ABCC9: variants seen among roughly 807,000 people sequenced by gnomAD.
ABCC9 encodes ATP binding cassette subfamily C member 9, also known as ATP-binding cassette sub-family C member 9.
Under a neutral mutation model 188.3 loss-of-function variants are expected in ABCC9, and 95 were observed. That is an observed-to-expected ratio of 0.50 (90% CI 0.43 to 0.60). The LOEUF (loss-of-function observed/expected upper bound fraction) is 0.60. ABCC9 is among the 20% of genes least tolerant of loss of function. The pLI, the probability that ABCC9 is intolerant of heterozygous loss-of-function variation, is 0.00. For synonymous variants in ABCC9, 659 were observed against 652.7 expected (o/e 1.01, Z -0.15); for missense variants, 1,102 against 1,876.3 (o/e 0.59, Z 7.62).
chr12:21,906,792 GT>G (rs1344622676), intron 11 of ABCC9, among the ~76,000 whole-genome samples: 3 of 152,084 alleles, frequency 2.0e-5, no homozygotes, highest in Non-Finnish European at 4.4e-5. Flanking sequence ...TCATAACACA[GT>G]TATTGAAACT....
chr12:21,829,444 GCCCA>G, intron 30 of ABCC9, among the ~76,000 whole-genome samples: 1 of 151,876 alleles, frequency 6.6e-6, no homozygotes, highest in East Asian at 1.9e-4. Context: ...CTTGTGATCC[GCCCA>G]CCTTGGCCTC....
chr12:21,935,270 C>A (rs1949441416), intron 3 of ABCC9, among the ~76,000 whole-genome samples: 1 of 152,126 alleles, frequency 6.6e-6, no homozygotes, highest in Non-Finnish European at 1.5e-5. Context: ...AAAGGGCGTT[C>A]TTCATGGCCT....
chr12:21,827,259 G>C, intron 31 of ABCC9: 1 of 985,240 alleles, frequency 1.0e-6, no homozygotes, highest in Non-Finnish European at 1.2e-6. Flanking sequence ...AGAGCATATG[G>C]TTTGCTTGAA....
At chr12:21,913,184 A>C (rs1487958642) in intron 7 of ABCC9, 118 bp from the exon 8 acceptor site, 3 of 887,566 alleles carry the variant, frequency 3.4e-6, no homozygotes, top group Non-Finnish European at 3.4e-6. Context: ...TAAGGGTTTA[A>C]AAATTGATGT....
intron 21 of ABCC9, 99 bp from the exon 22 acceptor site, chr12:21,859,765 G>C: frequency 1.0e-6 from 1 of 982,270 alleles, no homozygotes; most frequent in Non-Finnish European, 1.7e-6. Flanking sequence ...AAAAATCTTA[G>C]ATTGATAGTA....
chr12:21,848,362 T>G (rs1944791853), intron 24 of ABCC9, 116 bp from the exon 25 acceptor site: 3 of 856,462 alleles, frequency 3.5e-6, no homozygotes, highest in Non-Finnish European at 5.7e-6. Flanking sequence ...AAGCGCTCTG[T>G]GCTCACTCTG....
At chr12:21,844,699 C>T (rs753182988) in intron 27 of ABCC9, 68 bp downstream of exon 27, 3 of 1,599,700 alleles carry the variant, frequency 1.9e-6, no homozygotes, top group Non-Finnish European at 2.6e-6. Flanking sequence ...TTTCACATTC[C>T]ACTTAAATTG....
At chr12:21,904,316 A>G (rs933426055) in intron 12 of ABCC9, among the ~76,000 whole-genome samples, 4 of 152,224 alleles carry the variant, frequency 2.6e-5, no homozygotes, top group African/African-American at 9.6e-5. Flanking sequence ...ACCCAAAACC[A>G]TAAAAACCCT....
chr12:21,851,653 A>G (rs1487171267), intron 24 of ABCC9, among the ~76,000 whole-genome samples: 6 of 152,156 alleles, frequency 3.9e-5, no homozygotes, highest in Non-Finnish European at 7.4e-5. Flanking sequence ...AACTTTGCCC[A>G]CTACTCAGAG....
chr12:21,898,906 G>A (rs576021726), intron 12 of ABCC9, among the ~76,000 whole-genome samples: 113 of 152,244 alleles, frequency 7.4e-4, no homozygotes, highest in African/African-American at 2.4e-3. Context: ...TGTGAACGAA[G>A]TTTGGCTTCC....
chr12:21,848,196 G>T lies in ABCC9; in HGVS notation c.2820C>A (p.Ala940=), dbSNP rs370592605. The change falls in exon 25 of 40, where the codon GCC becomes GCA. Residue 940 remains alanine, a synonymous_variant. Coordinates refer to ENST00000261200, the MANE Select transcript of ABCC9 (RefSeq NM_020297.4). ...TTLERKTLRR[A]MYSREAKAQM... is the part of the protein sequence containing the mutation. ...GGGCTTTGGCTTCTCTTGAATACAT[G>T]GCCCGTCGGAGAGTTTTCCTCTCTA... is the stretch of plus-strand genomic sequence containing the variant. The T allele has an allele frequency of 6.2e-7, 1 of 1,613,460 alleles. No individual in the cohort carries two copies. The highest frequency in any genetic ancestry group is 8.5e-7 in the Non-Finnish European group (1 of 1,179,650).
chr12:21,856,523 C>T (rs1402704682), intron 22 of ABCC9, among the ~76,000 whole-genome samples: 1 of 151,892 alleles, frequency 6.6e-6, no homozygotes, highest in Non-Finnish European at 1.5e-5. Context: ...ATTTTTGATA[C>T]ATAATTAAGA....
chr12:21,894,039 T>C lies in ABCC9; in HGVS notation c.1795A>G (p.Ile599Val). ...STVVRFAVKA[I>V]ISVQKLNEFL... ...AGACACTTCAGTGCATACCTTATGA[T>C]GGCTTTGACTGCAAATCTGACCACC... Residue 599 changes from isoleucine (I) to valine (V), a missense_variant, in exon 14 of 40, where the codon ATC becomes GTC. Ile to Val is a conservative substitution (Grantham distance 29, BLOSUM62 3). Around this residue, in one of 12 missense-constraint regions of ABCC9, gnomAD observed 258 missense variants for 325.6 expected, o/e 0.79. Transcript: ENST00000261200. The C allele has an allele frequency of 6.2e-7, 1 of 1,614,046 alleles. No homozygotes were observed. Among genetic ancestry groups the C allele is most frequent in the South Asian group, 1.1e-5 (1 of 91,082 alleles).
At position 21,912,765 on chromosome 12, in the gene ABCC9, G is replaced by GAA. The variant is rs3835048; in HGVS notation, c.1011+105_1011+106dup. On this transcript the variant is annotated intron_variant, in intron 8 of 39. Coordinates refer to ENST00000261200, the MANE Select transcript of ABCC9 (RefSeq NM_020297.4). ...TCTTTTAGAAAGCATTCAATTCTCT[G>GAA]AAAAAAAGCCTATTTGAACAACTCA... 0.39 allele frequency: 406,610 copies of GAA among 1,046,028 alleles called. 79,911 individuals carry two copies. Among genetic ancestry groups the GAA allele is most frequent in the Admixed American group, 0.43 (17,737 of 41,560 alleles). The allele number at this position is 1,046,028 out of a possible 1,614,324, so 64.8% of individuals were successfully genotyped here. A position where few individuals can be genotyped will look rare whatever the true frequency, so the allele number is the denominator to read the frequency against.
At chr12:21,844,957 AT>A in intron 26 of ABCC9, 42 bp from the exon 27 acceptor site, 1 of 1,607,880 alleles carries the variant, frequency 6.2e-7, no homozygotes, top group Non-Finnish European at 8.5e-7. Flanking sequence ...GAAATTATCA[AT>A]GGAGTTCTTT....
At chr12:21,803,319 A>T (rs191569910) in intron 39 of ABCC9, among the ~76,000 whole-genome samples, 1 of 152,074 alleles carries the variant, frequency 6.6e-6, no homozygotes, top group Non-Finnish European at 1.5e-5. Context: ...TCTTATAAAC[A>T]TTGCATTGAT....
intron 22 of ABCC9, among the ~76,000 whole-genome samples, chr12:21,857,397 G>A (rs961222098): frequency 6.6e-6 from 1 of 152,142 alleles, no homozygotes; most frequent in Non-Finnish European, 1.5e-5. Flanking sequence ...GAAGTAGAGT[G>A]CAGGCTGATG....
chr12:21,889,371 T>C (rs932425272), intron 14 of ABCC9, among the ~76,000 whole-genome samples: 2 of 152,222 alleles, frequency 1.3e-5, no homozygotes, highest in African/African-American at 4.8e-5. Flanking sequence ...ATGGCAGTTA[T>C]TTCTTCTTCA....
At chr12:21,871,850 G>A (rs531915742) in intron 18 of ABCC9, among the ~76,000 whole-genome samples, 1 of 152,290 alleles carries the variant, frequency 6.6e-6, no homozygotes, top group East Asian at 1.9e-4. Flanking sequence ...ACCCGTTTGA[G>A]AACCACTGGT....
Sources: allele counts gnomAD v4.1 joint callset (sites outside exome capture counted in the v4.1 genomes callset), GRCh38; gene constraint gnomAD v4.1.1; regional missense constraint gnomAD v4.1.1; transcripts MANE v1.5; gene names NCBI Gene and HGNC (gene_info 2026-07-23, HGNC 2026-07-21).